MCTP1: variants seen among roughly 807,000 people sequenced by gnomAD.
The protein encoded by MCTP1 is multiple C2 and transmembrane domain containing 1.
In MCTP1, 69 loss-of-function variants were observed where a neutral mutation model predicts 120.6. That is an observed-to-expected ratio of 0.57 (90% CI 0.47 to 0.70). MCTP1 has a LOEUF of 0.70. Ranked by LOEUF, MCTP1 falls within the 30% of genes least tolerant of loss-of-function variation. The pLI, the probability that MCTP1 is intolerant of heterozygous loss-of-function variation, is 0.00. For missense variants in MCTP1, 1,203 were observed against 1,248.8 expected, an observed-to-expected ratio of 0.96 and a Z score of 0.55; for synonymous variants, 529 against 493.1, an observed-to-expected ratio of 1.07 and a Z score of -0.96.
At chr5:94,891,283 A>C (rs1445368911) in intron 11 of MCTP1, among the ~76,000 whole-genome samples, 1 of 152,134 alleles carries the variant, frequency 6.6e-6, no homozygotes, top group Non-Finnish European at 1.5e-5. Context: ...TCTCCATTTA[A>C]ATTCCTGTAA....
At chr5:95,033,688 C>G (rs763415802) in intron 1 of MCTP1, among the ~76,000 whole-genome samples, 1 of 152,002 alleles carries the variant, frequency 6.6e-6, no homozygotes, top group African/African-American at 2.4e-5. Context: ...CCACTCTTAC[C>G]ACTTCTATTC....
At chr5:94,899,735 G>A (rs972343816) in intron 10 of MCTP1, among the ~76,000 whole-genome samples, 3 of 152,134 alleles carry the variant, frequency 2.0e-5, no homozygotes, top group African/African-American at 7.2e-5. Context: ...CTGTGCACAT[G>A]TGGCCATATG....
At chr5:94,910,991 T>C (rs1808410290) in intron 9 of MCTP1, among the ~76,000 whole-genome samples, 1 of 152,216 alleles carries the variant, frequency 6.6e-6, no homozygotes. Context: ...AGGATTGCCT[T>C]CCCTATATTA....
chr5:94,756,207 T>C (rs750257933), intron 19 of MCTP1, among the ~76,000 whole-genome samples: 9 of 152,156 alleles, frequency 5.9e-5, no homozygotes, highest in Non-Finnish European at 1.2e-4. Flanking sequence ...TTTGCAGATG[T>C]GGTAACTGAG....
intron 19 of MCTP1, among the ~76,000 whole-genome samples, chr5:94,776,388 G>A (rs1291503579): frequency 6.6e-6 from 1 of 151,992 alleles, no homozygotes; most frequent in Non-Finnish European, 1.5e-5. Context: ...GCCTGCCAGG[G>A]GTCTTGGCAG....
intron 1 of MCTP1, among the ~76,000 whole-genome samples, chr5:95,066,019 T>C (rs965387240): frequency 6.6e-6 from 1 of 152,084 alleles, no homozygotes; most frequent in Admixed American, 6.6e-5. Flanking sequence ...TGGGATTACA[T>C]CAAACTAAAA....
intron 10 of MCTP1, among the ~76,000 whole-genome samples, chr5:94,902,405 T>C (rs1805770390): frequency 6.6e-6 from 1 of 152,172 alleles, no homozygotes; most frequent in Non-Finnish European, 1.5e-5. Context: ...TAAGTATATA[T>C]TATGCCTTAA....
chr5:94,978,235 C>T (rs1288140646), intron 2 of MCTP1, among the ~76,000 whole-genome samples: 2 of 151,950 alleles, frequency 1.3e-5, no homozygotes, highest in African/African-American at 2.4e-5. Context: ...AATCTGAACC[C>T]TTGTACACTG....
At chr5:94,952,190 A>AAAAAAAAAAAAAAAAAC (rs1820799316) in intron 3 of MCTP1, among the ~76,000 whole-genome samples, 3 of 146,868 alleles carry the variant, frequency 2.0e-5, no homozygotes, top group Non-Finnish European at 4.5e-5. Context: ...AAAAAAAAAA[A>AAAAAAAAAAAAAAAAAC]AAAGCTATTG....
chr5:95,003,564 T>A lies in MCTP1; in HGVS notation c.838+13803A>T, dbSNP rs964947993. ...GTTTTATGAACATGCAACAAGGAAG[T>A]CTTTGGGTGTCAATGAGTGATATTG... On this transcript the variant is annotated intron_variant, in intron 2 of 22. Coordinates refer to ENST00000515393, the MANE Select transcript of MCTP1 (RefSeq NM_024717.7). 4.6e-5 allele frequency among the ~76,000 whole-genome samples: 7 copies of A among 152,284 alleles called. No individual in the cohort carries two copies. The South Asian group carries it at 6.2e-4, about 14-fold the overall frequency.
intron 1 of MCTP1, among the ~76,000 whole-genome samples, chr5:95,020,154 A>G (rs1837920154): frequency 6.6e-6 from 1 of 152,056 alleles, no homozygotes; most frequent in African/African-American, 2.4e-5. Flanking sequence ...GGTATTCTAA[A>G]GCCAGAAAAA....
intron 5 of MCTP1, among the ~76,000 whole-genome samples, chr5:94,934,757 C>A (rs112827122): frequency 0.013 from 884 of 69,682 alleles, 10 homozygotes; most frequent in African/African-American, 0.044. Context: ...TTTTTTTTTA[C>A]TCATCAAAGG....
chr5:94,759,644 G>A (rs762194278), intron 19 of MCTP1, among the ~76,000 whole-genome samples: 5 of 152,098 alleles, frequency 3.3e-5, no homozygotes, highest in Admixed American at 6.6e-5. Context: ...AATTAGTGAT[G>A]GGCTTTGACT....
chr5:94,826,620 CA>C, intron 17 of MCTP1: 1 of 783,314 alleles, frequency 1.3e-6, no homozygotes, highest in Non-Finnish European at 2.2e-6. Context: ...TTCAGCTCTG[CA>C]AAATTCCTTC....
At chr5:95,130,210 TTATC>T (rs1434752613) in intron 1 of MCTP1, among the ~76,000 whole-genome samples, 1 of 152,206 alleles carries the variant, frequency 6.6e-6, no homozygotes, top group Non-Finnish European at 1.5e-5. Context: ...TAAACTCCTC[TTATC>T]TATCTATGTA....
chr5:95,051,470 A>G (rs912885145), intron 1 of MCTP1, among the ~76,000 whole-genome samples: 11 of 152,136 alleles, frequency 7.2e-5, no homozygotes, highest in Non-Finnish European at 4.4e-5. Context: ...ATGATCACCT[A>G]CCAGGGGAAC....
chr5:94,714,191 T>G (rs1247670079), intron 20 of MCTP1, among the ~76,000 whole-genome samples: 1 of 152,178 alleles, frequency 6.6e-6, no homozygotes. Context: ...TATTTTATTT[T>G]AAAAAGTTAA....
chr5:94,738,024 G>A (rs565303422), intron 19 of MCTP1, among the ~76,000 whole-genome samples: 4 of 152,276 alleles, frequency 2.6e-5, no homozygotes, highest in South Asian at 2.1e-4. Context: ...CATCAGAAGC[G>A]AAACAGCTAA....
intron 1 of MCTP1, among the ~76,000 whole-genome samples, chr5:95,174,917 AC>A (rs1462742949): frequency 6.6e-6 from 1 of 152,132 alleles, no homozygotes; most frequent in Admixed American, 6.5e-5. Flanking sequence ...TGTTAGCCAT[AC>A]TTTTTGTATT....
Sources: gnomAD v4.1 joint callset for allele counts (sites outside exome capture counted in the v4.1 genomes callset) on GRCh38, gnomAD v4.1.1 for gene constraint, MANE v1.5 for transcripts, NCBI Gene and HGNC (gene_info 2026-07-23, HGNC 2026-07-21) for gene names.